Variants in NOL4 observed in about 807,000 individuals in gnomAD.
The protein encoded by NOL4 is nucleolar protein 4, also known as cancer/testis antigen 125.
Under a neutral mutation model 75.9 loss-of-function variants are expected in NOL4, and 17 were observed. The ratio of observed to expected loss-of-function variants is 0.22; its 90% CI spans 0.15 to 0.34. The LOEUF is 0.34. Ranked by LOEUF, NOL4 falls within the 10% of genes least tolerant of loss-of-function variation. The pLI is 1.00. For missense variants in NOL4, 614 were observed against 793.5 expected (o/e 0.77, Z 2.72); for synonymous variants, 292 against 289.9 (o/e 1.01, Z -0.07).
intron 6 of NOL4, among the ~76,000 whole-genome samples, chr18:33,970,725 TTGTGTG>T (rs34125584): frequency 1.7e-3 from 246 of 147,020 alleles, no homozygotes; most frequent in African/African-American, 5.7e-3. Context: ...TTCAAGCTAT[TTGTGTG>T]TGTGTGTGTG....
At chr18:34,135,058 G>T (rs141089381) in intron 1 of NOL4, among the ~76,000 whole-genome samples, 1 of 152,062 alleles carries the variant, frequency 6.6e-6, no homozygotes, top group Admixed American at 6.5e-5. Flanking sequence ...GTAAAAACTT[G>T]ATGTGAAACA....
At chr18:34,144,467 T>C (rs1461122493) in intron 1 of NOL4, among the ~76,000 whole-genome samples, 1 of 152,162 alleles carries the variant, frequency 6.6e-6, no homozygotes, top group Non-Finnish European at 1.5e-5. Flanking sequence ...CTCAGGGTGC[T>C]ATGAAAAACA....
chr18:34,062,888 C>T (rs796746746), intron 5 of NOL4, among the ~76,000 whole-genome samples: 11 of 152,140 alleles, frequency 7.2e-5, no homozygotes, highest in South Asian at 2.1e-4. Flanking sequence ...AAACCAAAAA[C>T]GTTGCTAATA....
intron 1 of NOL4, among the ~76,000 whole-genome samples, chr18:34,151,349 CCAGA>C (rs910801344): frequency 1.3e-5 from 2 of 151,540 alleles, no homozygotes; most frequent in African/African-American, 4.8e-5. Context: ...ACTGGTGCAC[CCAGA>C]CAATGAAATA....
chr18:33,933,247 T>C (rs2067824357), intron 9 of NOL4, among the ~76,000 whole-genome samples: 1 of 152,298 alleles, frequency 6.6e-6, no homozygotes, highest in Non-Finnish European at 1.5e-5. Context: ...CATAAAACCG[T>C]TATTGCTTAA....
At chr18:34,212,174 T>A (rs2036558103) in intron 1 of NOL4, among the ~76,000 whole-genome samples, 1 of 152,146 alleles carries the variant, frequency 6.6e-6, no homozygotes, top group Non-Finnish European at 1.5e-5. Context: ...AAGTAAATAA[T>A]GATCAAAAAT....
At chr18:34,130,059 A>C in intron 1 of NOL4, 39 bp from the exon 2 acceptor site, 1 of 1,467,052 alleles carries the variant, frequency 6.8e-7, no homozygotes, top group Non-Finnish European at 9.0e-7. Context: ...CCATAAGATT[A>C]ATAAACTAAT....
At chr18:33,861,590 T>C (rs1283181036) in intron 10 of NOL4, among the ~76,000 whole-genome samples, 3 of 152,144 alleles carry the variant, frequency 2.0e-5, no homozygotes, top group Non-Finnish European at 4.4e-5. Flanking sequence ...ACAAAATCAA[T>C]GTACAAAAAT....
At chr18:33,982,523 T>G (rs979052684) in intron 6 of NOL4, among the ~76,000 whole-genome samples, 10 of 152,214 alleles carry the variant, frequency 6.6e-5, no homozygotes, top group African/African-American at 2.4e-4. Context: ...CAATCTGTAT[T>G]GTGTATGCTC....
chr18:34,146,610 G>A (rs1369834425), intron 1 of NOL4, among the ~76,000 whole-genome samples: 3 of 152,112 alleles, frequency 2.0e-5, no homozygotes, highest in East Asian at 1.9e-4. Context: ...GCAGTACCAC[G>A]CTGCTTTGGT....
At chr18:34,050,347 A>G (rs2076576608) in intron 5 of NOL4, among the ~76,000 whole-genome samples, 1 of 152,152 alleles carries the variant, frequency 6.6e-6, no homozygotes, top group African/African-American at 2.4e-5. Flanking sequence ...TGTAAACAAC[A>G]TATGGTTTAC....
At chr18:33,899,597 A>G (rs2065627677) in intron 9 of NOL4, among the ~76,000 whole-genome samples, 1 of 152,168 alleles carries the variant, frequency 6.6e-6, no homozygotes, top group African/African-American at 2.4e-5. Flanking sequence ...CCTTGGCAGT[A>G]CTGGCTGTCT....
In NOL4 at chr18:33,851,321, A is replaced by G. The variant is rs1489320515; in HGVS notation, c.*1521T>C. The stretch of plus-strand genomic sequence containing the variant: ...AGTTTTTTTTTTGTTTTTTGTTTAC[A>G]TAATTGTAAGGAACAGTAATTCTAG... On this transcript the variant is annotated 3_prime_UTR_variant, in exon 11 of 11. Coordinates refer to ENST00000261592, the MANE Select transcript of NOL4 (RefSeq NM_003787.5). 1 of 152,376 alleles carries G rather than the reference A, an allele frequency of 6.6e-6. No homozygotes were observed. The highest frequency in any genetic ancestry group is 1.5e-5 in the Non-Finnish European group (1 of 67,982). The allele number at this position is 152,376 out of a possible 1,614,324, so 9.4% of individuals were successfully genotyped here.
intron 1 of NOL4, among the ~76,000 whole-genome samples, chr18:34,143,905 T>C (rs1440556356): frequency 6.7e-6 from 1 of 149,284 alleles, no homozygotes; most frequent in African/African-American, 2.5e-5. Context: ...TTCTTTCAGC[T>C]CTACTAAGAC....
At chr18:34,029,925 A>G (rs888089224) in intron 5 of NOL4, among the ~76,000 whole-genome samples, 1 of 152,240 alleles carries the variant, frequency 6.6e-6, no homozygotes, top group African/African-American at 2.4e-5. Flanking sequence ...ACAAAAATCT[A>G]AAATAAAGTA....
At position 33,852,662 on chromosome 18, in the gene NOL4, G is replaced by A. The variant is rs1374560306; in HGVS notation, c.*180C>T. On this transcript the variant is annotated 3_prime_UTR_variant, in exon 11 of 11. Transcript: ENST00000261592. Reference sequence around the variant, plus strand: ...CTAAAGTAGCTCAAGTACTTCAGAGGTCAGAGTTCCTTTGAAGCACCTTAA... The same window carrying A: ...CTAAAGTAGCTCAAGTACTTCAGAGATCAGAGTTCCTTTGAAGCACCTTAA... 1 of 574,394 alleles carries A rather than the reference G, an allele frequency of 1.7e-6. No individual in the cohort carries two copies. The highest frequency in any genetic ancestry group is 3.0e-6 in the Non-Finnish European group (1 of 330,412). 35.6% of individuals were successfully genotyped at this position (574,394 alleles called of 1,614,324 possible).
In NOL4 at chr18:33,980,884, G is replaced by A. The variant is rs988439171; in HGVS notation, c.1057-22466C>T. On this transcript the variant is annotated intron_variant, in intron 6 of 10. Coordinates refer to ENST00000261592, the MANE Select transcript of NOL4 (RefSeq NM_003787.5). ...CAGACGCAGGTATGGCAGGCATGTTGAAATTATCATGCAATAAATTTAAAA... is the reference window on the plus strand; with the variant it reads ...CAGACGCAGGTATGGCAGGCATGTTAAAATTATCATGCAATAAATTTAAAA... Among the ~76,000 whole-genome samples, 10 of 151,956 alleles carry A rather than the reference G, an allele frequency of 6.6e-5. No individual in the cohort carries two copies. The East Asian group carries it at 1.9e-3, about 29-fold the overall frequency.
chr18:33,880,981 C>T (rs1170388452), intron 10 of NOL4, among the ~76,000 whole-genome samples: 2 of 152,072 alleles, frequency 1.3e-5, no homozygotes, highest in Admixed American at 6.6e-5. Context: ...ATTCTCATCA[C>T]AGTCTATCCA....
At chr18:34,010,335 C>T (rs763678415) in intron 6 of NOL4, among the ~76,000 whole-genome samples, 8 of 151,764 alleles carry the variant, frequency 5.3e-5, no homozygotes, top group Non-Finnish European at 1.2e-4. Context: ...GACAGAATTT[C>T]GTTATTTTTA....
Sources: allele counts gnomAD v4.1 joint callset (sites outside exome capture counted in the v4.1 genomes callset), GRCh38; gene constraint gnomAD v4.1.1; transcripts MANE v1.5; gene names NCBI Gene and HGNC (gene_info 2026-07-23, HGNC 2026-07-21).